UBA2: variants seen among roughly 807,000 people sequenced by gnomAD.
The protein encoded by UBA2 is ubiquitin like modifier activating enzyme 2.
UBA2 carries 11 observed loss-of-function variants against 77.2 expected under a neutral mutation model. The ratio of observed to expected loss-of-function variants is 0.14; its 90% CI spans 0.09 to 0.24. The LOEUF (loss-of-function observed/expected upper bound fraction) is 0.24, where lower values mean the gene tolerates loss of function less well. Among genes scored for constraint, UBA2 ranks in the 10% least tolerant of loss-of-function variants. The pLI is 1.00. For synonymous variants in UBA2, 278 were observed against 276.7 expected (o/e 1.00, Z -0.05); for missense variants, 487 against 781.7 (o/e 0.62, Z 4.50).
chr19:34,436,389 T>A (rs1181293276), intron 5 of UBA2, among the ~76,000 whole-genome samples: 1 of 152,098 alleles, frequency 6.6e-6, no homozygotes, highest in Non-Finnish European at 1.5e-5. Flanking sequence ...AACCTCCGTC[T>A]CCCTGGTTCA....
intron 9 of UBA2, among the ~76,000 whole-genome samples, chr19:34,450,742 CTTTTTT>C (rs59580124): frequency 4.8e-5 from 4 of 83,402 alleles, no homozygotes; most frequent in African/African-American, 1.0e-4. Context: ...TTATGTATAT[CTTTTTT>C]TTTTTTTTTT....
chr19:34,440,404 C>T (rs948460704), intron 6 of UBA2, among the ~76,000 whole-genome samples: 2 of 151,938 alleles, frequency 1.3e-5, no homozygotes, highest in Non-Finnish European at 2.9e-5. Context: ...AATAATGCAC[C>T]GAACCTATGT....
In UBA2 at chr19:34,450,309, A is replaced by G. The variant is rs767916845; in HGVS notation, c.816A>G (p.Leu272=). The G allele has an allele frequency of 2.2e-5, 35 of 1,611,142 alleles. 1 individual carries two copies. The highest frequency in any genetic ancestry group is 7.7e-5 in the South Asian group (7 of 90,424). The change falls in exon 9 of 17, where the codon CTA becomes CTG. Residue 272 remains leucine (L), a synonymous_variant. Transcript: ENST00000246548. ...GGTATCTGTTGACAATGGACAAACT[A>G]TGGCGGAAAAGGAAACCTCCAGTTC... The part of the protein sequence containing the change: ...DIRYLLTMDK[L]WRKRKPPVPL...
intron 15 of UBA2, 32 bp downstream of exon 15, chr19:34,464,163 A>T (rs2075662811): frequency 2.9e-6 from 4 of 1,360,024 alleles, no homozygotes; most frequent in African/African-American, 1.5e-5. Context: ...ATTGTAAGAA[A>T]TTATTTGAAT....
chr19:34,432,382 A>G (rs2075265387), intron 3 of UBA2, among the ~76,000 whole-genome samples: 1 of 152,214 alleles, frequency 6.6e-6, no homozygotes, highest in Admixed American at 6.5e-5. Flanking sequence ...TTATCTCAGT[A>G]AAGATAGAGT....
chr19:34,445,659 A>G (rs1301606014), intron 8 of UBA2, among the ~76,000 whole-genome samples: 1 of 152,050 alleles, frequency 6.6e-6, no homozygotes, highest in African/African-American at 2.4e-5. Context: ...GTAGGTCATG[A>G]ACTCCTGACT....
chr19:34,428,639 G>A (rs1186654470), intron 1 of UBA2, 69 bp downstream of exon 1: 2 of 1,195,946 alleles, frequency 1.7e-6, no homozygotes, highest in Non-Finnish European at 2.1e-6. Context: ...GGGTTCCGGG[G>A]CTCCAGGGGC....
intron 1 of UBA2, chr19:34,429,032 G>T: frequency 1.0e-6 from 1 of 985,474 alleles, no homozygotes; most frequent in Non-Finnish European, 1.2e-6. Flanking sequence ...CGCTGGTCAC[G>T]AGCGGGTTTA....
intron 5 of UBA2, among the ~76,000 whole-genome samples, chr19:34,436,470 T>C (rs959583858): frequency 3.3e-5 from 5 of 152,084 alleles, no homozygotes; most frequent in East Asian, 1.9e-4. Context: ...TGGCTAATTT[T>C]GTATTTTTAG....
intron 6 of UBA2, among the ~76,000 whole-genome samples, chr19:34,440,646 G>A (rs1398853618): frequency 6.6e-6 from 1 of 151,860 alleles, no homozygotes; most frequent in Non-Finnish European, 1.5e-5. Context: ...GCATATCCTG[G>A]GAATGGGCGC....
chr19:34,433,907 T>A (rs1447223723), intron 4 of UBA2, among the ~76,000 whole-genome samples: 2 of 151,970 alleles, frequency 1.3e-5, no homozygotes, highest in East Asian at 1.9e-4. Flanking sequence ...GCAGTGAGCC[T>A]AGATCACACC....
rs1599928217 is a variant in UBA2, at chr19:34,458,786, A to T, written c.1263A>T (p.Gln421His). Residue 421 changes from glutamine to histidine, a missense_variant, in exon 13 of 17, where the codon CAA (glutamine) becomes CAT (histidine). By Grantham distance (24) the Gln-to-His change is conservative. Coordinates refer to ENST00000246548, the MANE Select transcript of UBA2 (RefSeq NM_005499.3). ...CTCCAAAGATTTTTTTGAATAAACAACCAAACCCAAGAAAGAAGCTTCTTG... is the reference window on the plus strand; with the variant it reads ...CTCCAAAGATTTTTTTGAATAAACATCCAAACCCAAGAAAGAAGCTTCTTG... The part of the protein sequence containing the change: ...DQCRTIFLNK[Q>H]PNPRKKLLVP... The T allele has an allele frequency of 6.2e-7, 1 of 1,610,342 alleles. No individual in the cohort carries two copies. The highest frequency in any genetic ancestry group is 2.2e-5 in the East Asian group (1 of 44,822).
intron 6 of UBA2, among the ~76,000 whole-genome samples, 158 bp downstream of exon 6, chr19:34,438,924 G>C (rs937385317): frequency 6.6e-6 from 1 of 152,072 alleles, no homozygotes; most frequent in Non-Finnish European, 1.5e-5. Flanking sequence ...GTTAAATGTA[G>C]CTGGCCGGGT....
intron 10 of UBA2, among the ~76,000 whole-genome samples, chr19:34,453,499 G>A (rs962175715): frequency 3.3e-5 from 5 of 149,802 alleles, no homozygotes; most frequent in African/African-American, 1.2e-4. Flanking sequence ...AGGTTTTTCT[G>A]AAGTGTTAAT....
intron 14 of UBA2, among the ~76,000 whole-genome samples, chr19:34,461,237 G>A (rs1011856937): frequency 1.3e-5 from 2 of 152,014 alleles, no homozygotes; most frequent in African/African-American, 4.8e-5. Context: ...AGGTTTCTAG[G>A]CCCTGTGTTT....
chr19:34,463,897 G>T, intron 14 of UBA2, 129 bp from the exon 15 acceptor site: 1 of 658,580 alleles, frequency 1.5e-6, no homozygotes, highest in South Asian at 1.8e-5. Flanking sequence ...GGGGATTAGG[G>T]TTTCAACCTT....
chr19:34,440,925 CA>C (rs569153016), intron 6 of UBA2, among the ~76,000 whole-genome samples: 1,118 of 64,442 alleles, frequency 0.017, 5 homozygotes, highest in African/African-American at 0.034. Context: ...GACTCCATCT[CA>C]AAAAAAAAAA....
At position 34,471,117 on chromosome 19, in the gene UBA2, T is replaced by C. The variant is rs920654594; in HGVS notation, c.*1896T>C. On this transcript the variant is annotated 3_prime_UTR_variant, in exon 17 of 17. Coordinates refer to ENST00000246548, the MANE Select transcript of UBA2 (RefSeq NM_005499.3). ...GGCTTTGCCTGTTAGGGTACTCTTA[T>C]CACTCAGAGATGGGCCTTGAGTTTT... 2.0e-5 allele frequency: 3 copies of C among 152,220 alleles called. No homozygotes were observed. The highest frequency in any genetic ancestry group is 4.4e-5 in the Non-Finnish European group (3 of 68,050). 9.4% of individuals were successfully genotyped at this position (152,220 alleles called of 1,614,324 possible).
intron 12 of UBA2, among the ~76,000 whole-genome samples, chr19:34,456,078 G>C (rs368568014): frequency 7.5e-5 from 10 of 133,574 alleles, no homozygotes; most frequent in African/African-American, 2.6e-4. Context: ...CACTTGGCCC[G>C]ATGCGCTCTT....
Sources: gnomAD v4.1 joint callset for allele counts (sites outside exome capture counted in the v4.1 genomes callset) on GRCh38, gnomAD v4.1.1 for gene constraint, MANE v1.5 for transcripts, NCBI Gene and HGNC (gene_info 2026-07-23, HGNC 2026-07-21) for gene names.